Variants in ST3GAL5 observed in about 807,000 individuals in gnomAD.
The protein encoded by ST3GAL5 is ST3 beta-galactoside alpha-2,3-sialyltransferase 5.
ST3GAL5 carries 25 observed loss-of-function variants against 46.1 expected under a neutral mutation model. That is an observed-to-expected ratio of 0.54 (90% CI 0.40 to 0.76). ST3GAL5 has a LOEUF of 0.76. Ranked by LOEUF, ST3GAL5 falls within the 30% of genes least tolerant of loss-of-function variation. The probability of loss-of-function intolerance (pLI) is 0.00; values close to 1 mark genes in which losing one functional copy is unlikely to be tolerated. For synonymous variants in ST3GAL5, 182 were observed against 192.7 expected, an observed-to-expected ratio of 0.94 and a Z score of 0.46; for missense variants, 431 against 521.2, an observed-to-expected ratio of 0.83 and a Z score of 1.69.
chr2:85,847,924 C>T lies in ST3GAL5; in HGVS notation c.599G>A (p.Ser200Asn). ...KTCRRCVVIG[S>N]GGILHGLELG... ...TTCTAATCCGTGCAGTATTCCTCCG[C>T]TTCCAATAACCACACAGCGCCGACA... Residue 200 changes from serine to asparagine, a missense_variant, in exon 4 of 7, where the codon AGC (serine) becomes AAC (asparagine). By Grantham distance (46) the Ser-to-Asn change is conservative. Transcript: ENST00000638572. 6.2e-7 allele frequency: 1 copy of T among 1,614,196 alleles called. No homozygotes were observed.
At chr2:85,840,907 G>A (rs1308919819) in intron 6 of ST3GAL5, among the ~76,000 whole-genome samples, 1 of 118,304 alleles carries the variant, frequency 8.5e-6, no homozygotes, top group African/African-American at 3.4e-5. Context: ...TCGAGCCACT[G>A]CACTCCACCC....
intron 1 of ST3GAL5, among the ~76,000 whole-genome samples, chr2:85,880,186 C>T (rs969907624): frequency 1.3e-5 from 2 of 152,084 alleles, no homozygotes; most frequent in African/African-American, 4.8e-5. Flanking sequence ...ACAGTGACAA[C>T]CCGGAGTTTG....
At chr2:85,858,776 T>C (rs1684421841) in intron 3 of ST3GAL5, among the ~76,000 whole-genome samples, 1 of 152,242 alleles carries the variant, frequency 6.6e-6, no homozygotes, top group African/African-American at 2.4e-5. Context: ...CCTTCTGCGG[T>C]CTGAACCTCT....
intron 1 of ST3GAL5, among the ~76,000 whole-genome samples, chr2:85,869,687 C>A (rs4832015): frequency 0.43 from 65,287 of 151,976 alleles, 14,416 homozygotes; most frequent in Admixed American, 0.53. Context: ...TATGGAGGTG[C>A]AAAATAAAGG....
chr2:85,860,838 A>T (rs1284421903), intron 3 of ST3GAL5: 1 of 294,698 alleles, frequency 3.4e-6, no homozygotes, highest in Non-Finnish European at 6.6e-6. Flanking sequence ...GACTCAAAAA[A>T]AAAAAAAGGG....
At chr2:85,863,706 A>T (rs540366884) in intron 1 of ST3GAL5, among the ~76,000 whole-genome samples, 1 of 150,606 alleles carries the variant, frequency 6.6e-6, no homozygotes, top group South Asian at 2.1e-4. Context: ...GATTCTCAAC[A>T]TTCTTTTTTT....
In ST3GAL5 at chr2:85,837,445, A is replaced by G. The variant is rs916107294; in HGVS notation, c.*2699T>C. ...ACCAGAGGCCAAGAAGGGTAGGGGG[A>G]AATGAAGAGAGGTTGATTAATGGGT... On this transcript the variant is annotated 3_prime_UTR_variant, in exon 7 of 7. Transcript: ENST00000638572. The G allele has an allele frequency of 2.6e-5, 4 of 152,174 alleles. No homozygotes were observed. The highest frequency in any genetic ancestry group is 5.9e-5 in the Non-Finnish European group (4 of 68,032). 9.4% of individuals were successfully genotyped at this position (152,174 alleles called of 1,614,324 possible).
At chr2:85,844,207 G>T (rs917103942) in intron 6 of ST3GAL5, among the ~76,000 whole-genome samples, 189 bp downstream of exon 6, 1 of 152,168 alleles carries the variant, frequency 6.6e-6, no homozygotes, top group South Asian at 2.1e-4. Context: ...AGTCACTGGA[G>T]AGAAGGCCAA....
chr2:85,874,273 AT>A (rs1686277091), intron 1 of ST3GAL5, among the ~76,000 whole-genome samples: 1 of 152,230 alleles, frequency 6.6e-6, no homozygotes, highest in African/African-American at 2.4e-5. Context: ...AAGGCAATTA[AT>A]TCTGAGCCCT....
chr2:85,860,692 G>A (rs764416454), intron 3 of ST3GAL5, among the ~76,000 whole-genome samples: 7 of 151,948 alleles, frequency 4.6e-5, no homozygotes, highest in Admixed American at 3.3e-4. Flanking sequence ...GGGCAACATG[G>A]CAAGACCCCA....
intron 3 of ST3GAL5, chr2:85,853,949 TA>T (rs1204812407): frequency 4.6e-5 from 7 of 152,140 alleles, no homozygotes; most frequent in Non-Finnish European, 1.0e-4. Flanking sequence ...AAAACCTACT[TA>T]AAAAAATTCT....
intron 1 of ST3GAL5, 30 bp downstream of exon 1, chr2:85,888,794 C>A: frequency 1.7e-6 from 2 of 1,191,360 alleles, no homozygotes; most frequent in Non-Finnish European, 2.1e-6. Context: ...CGGGCCCCCG[C>A]GACGCCGAGG....
At chr2:85,857,798 C>T (rs1487260646) in intron 3 of ST3GAL5, among the ~76,000 whole-genome samples, 1 of 152,126 alleles carries the variant, frequency 6.6e-6, no homozygotes, top group Non-Finnish European at 1.5e-5. Context: ...TAGAACACGA[C>T]TACTCCGGCC....
chr2:85,838,299 G>A lies in ST3GAL5; in HGVS notation c.*1845C>T, dbSNP rs1391455720. On this transcript the variant is annotated 3_prime_UTR_variant, in exon 7 of 7. Coordinates refer to ENST00000638572, the MANE Select transcript of ST3GAL5 (RefSeq NM_003896.4). ...CCACACATCCCAGCAGCCTTGAGAA[G>A]CAGGTAGGCAAGTCTCCTCATACCA... is the stretch of plus-strand genomic sequence containing the variant. 1 of 152,104 alleles carries A rather than the reference G, an allele frequency of 6.6e-6. No homozygotes were observed. The highest frequency in any genetic ancestry group is 6.5e-5 in the Admixed American group (1 of 15,274). The allele number at this position is 152,104 out of a possible 1,614,324, so 9.4% of individuals were successfully genotyped here. A position where few individuals can be genotyped will look rare whatever the true frequency, so the allele number is the denominator to read the frequency against.
intron 2 of ST3GAL5, 105 bp from the exon 3 acceptor site, chr2:85,861,397 A>C (rs557815113): frequency 2.6e-6 from 2 of 763,296 alleles, no homozygotes; most frequent in Non-Finnish European, 4.7e-6. Flanking sequence ...GCTATGCAGC[A>C]TAAAACTACA....
rs80130823 is a variant in ST3GAL5 at position 85,846,358 on chromosome 2, T to C, written c.849+19A>G. 9.4e-4 allele frequency: 1,508 copies of C among 1,611,472 alleles called. 17 individuals are homozygous for C. In the African/African-American group the frequency reaches 0.017, roughly 18 times the overall value. On this transcript the variant is annotated intron_variant, in intron 5 of 6. Transcript: ENST00000638572. ...TCACTTTTTACTAAGGCAGATTTAA[T>C]AGAAGTATTAGTGCTTACCAGGGTT...
intron 3 of ST3GAL5, chr2:85,860,872 C>G: frequency 9.6e-6 from 3 of 312,378 alleles, no homozygotes; most frequent in East Asian, 7.9e-5. Flanking sequence ...GAAAGAATTT[C>G]TTTGTTGTTT....
At chr2:85,851,288 C>A in intron 3 of ST3GAL5, 1 of 1,140,232 alleles carries the variant, frequency 8.8e-7, no homozygotes, top group Non-Finnish European at 1.1e-6. Flanking sequence ...CCCTCCTGCG[C>A]CTAAGTGACA....
At chr2:85,869,625 G>C (rs1187252061) in intron 1 of ST3GAL5, among the ~76,000 whole-genome samples, 1 of 152,088 alleles carries the variant, frequency 6.6e-6, no homozygotes, top group African/African-American at 2.4e-5. Context: ...AAATCATGAG[G>C]AACTTCACTA....
Sources: gnomAD v4.1 joint callset for allele counts (sites outside exome capture counted in the v4.1 genomes callset) on GRCh38, gnomAD v4.1.1 for gene constraint, MANE v1.5 for transcripts, NCBI Gene and HGNC (gene_info 2026-07-23, HGNC 2026-07-21) for gene names.